Variants in GLIS3 observed in about 807,000 individuals in gnomAD.
The protein encoded by GLIS3 is GLIS family zinc finger 3.
In GLIS3, 53 loss-of-function variants were observed where a neutral mutation model predicts 78.6. That is an observed-to-expected ratio of 0.67 (90% CI 0.54 to 0.85). The LOEUF is 0.85. Ranked by LOEUF, GLIS3 falls within the 40% of genes least tolerant of loss-of-function variation. The pLI is 0.00. For synonymous variants in GLIS3, 684 were observed against 509.9 expected (o/e 1.34, Z -4.60); for missense variants, 1,703 against 1,231.1 (o/e 1.38, Z -5.74).
intron 7 of GLIS3, among the ~76,000 whole-genome samples, chr9:3,893,187 C>A (rs562330461): frequency 6.6e-6 from 1 of 152,212 alleles, no homozygotes; most frequent in South Asian, 2.1e-4. Context: ...AGCCTCGCTA[C>A]TTGCCTCTCC....
intron 2 of GLIS3, among the ~76,000 whole-genome samples, chr9:4,136,026 C>A (rs951464014): frequency 6.6e-6 from 1 of 152,120 alleles, no homozygotes; most frequent in Non-Finnish European, 1.5e-5. Flanking sequence ...TAAATGGCTA[C>A]GAACACCAAA....
chr9:3,977,375 C>T lies in GLIS3; in HGVS notation c.1711-40186G>A, dbSNP rs1006472486. Among the ~76,000 whole-genome samples the T allele has an allele frequency of 6.6e-6, 1 of 152,178 alleles. No individual in the cohort carries two copies. The highest frequency in any genetic ancestry group is 1.5e-5 in the Non-Finnish European group (1 of 68,032). On this transcript the variant is annotated intron_variant, in intron 4 of 10. Coordinates refer to ENST00000381971, the MANE Select transcript of GLIS3 (RefSeq NM_001042413.2). This position sits in a 1 kb window ranked among gnomAD's most constrained non-coding sequence, Gnocchi z 4.1. ...CTCATATCTGATGCTATAATTACAA[C>T]CCTAATGGACACATTTAATTTATTT... is the stretch of plus-strand genomic sequence containing the variant.
chr9:4,462,612 C>G, the GLIS3 span, among the ~76,000 whole-genome samples: 1 of 149,892 alleles, frequency 6.7e-6, no homozygotes, highest in East Asian at 2.0e-4. Context: ...CACACACACA[C>G]ACACACACAC....
At chr9:4,013,921 G>A (rs115243100) in intron 4 of GLIS3, among the ~76,000 whole-genome samples, 6 of 152,306 alleles carry the variant, frequency 3.9e-5, no homozygotes, top group African/African-American at 1.4e-4. Flanking sequence ...AGTTGGGCAG[G>A]TTGTATTTCA....
At chr9:4,121,498 C>G (rs1289773502) in intron 3 of GLIS3, among the ~76,000 whole-genome samples, 1 of 152,122 alleles carries the variant, frequency 6.6e-6, no homozygotes, top group Non-Finnish European at 1.5e-5. Flanking sequence ...TTATGGCACT[C>G]ACAAAGCATT....
intron 2 of GLIS3, among the ~76,000 whole-genome samples, chr9:4,262,270 C>A (rs757056891): frequency 6.6e-6 from 1 of 152,138 alleles, no homozygotes; most frequent in Non-Finnish European, 1.5e-5. Flanking sequence ...AGGTAAAAAT[C>A]CTCATTTGAG....
intron 4 of GLIS3, among the ~76,000 whole-genome samples, chr9:3,997,298 A>T (rs1189223681): frequency 1.3e-5 from 2 of 152,218 alleles, no homozygotes; most frequent in Non-Finnish European, 1.5e-5. Flanking sequence ...GTAAGCCGAG[A>T]TCGCTGCATT....
At chr9:3,976,252 G>A (rs936529015) in intron 4 of GLIS3, among the ~76,000 whole-genome samples, 1 of 151,996 alleles carries the variant, frequency 6.6e-6, no homozygotes, top group South Asian at 2.1e-4. Flanking sequence ...GTTAGAAGAT[G>A]AGAGGGGAGG....
intron 2 of GLIS3, among the ~76,000 whole-genome samples, chr9:4,171,453 T>C (rs1816366657): frequency 6.6e-6 from 1 of 152,208 alleles, no homozygotes; most frequent in South Asian, 2.1e-4. Flanking sequence ...CTTCCATTTT[T>C]AGTGTCGAAA....
At chr9:4,312,187 G>C (rs537823924) in intron 2 of GLIS3, among the ~76,000 whole-genome samples, 36 of 152,302 alleles carry the variant, frequency 2.4e-4, no homozygotes, top group African/African-American at 8.4e-4. Flanking sequence ...AACTTTACAG[G>C]CTGGGCATGG....
chr9:3,898,738 TCAG>T lies in GLIS3; in HGVS notation c.2078_2080del (p.Ala693del). 1 of 1,614,154 alleles carries T rather than the reference TCAG, an allele frequency of 6.2e-7. No individual in the cohort carries two copies. Among genetic ancestry groups the T allele is most frequent in the Middle Eastern group, 1.6e-4 (1 of 6,062 alleles). ...TCCAGGGGAGCGTCCCACGGTCCCTTCAGCAGCAGCATCTCTAGGGGAAGTGGC... is the reference window on the plus strand; with the variant it reads ...TCCAGGGGAGCGTCCCACGGTCCCTTCAGCAGCATCTCTAGGGGAAGTGGC... On this transcript the variant is annotated inframe_deletion, in exon 7 of 11. Transcript: ENST00000381971.
chr9:4,361,699 G>C, the GLIS3 span, among the ~76,000 whole-genome samples: 1 of 152,152 alleles, frequency 6.6e-6, no homozygotes, highest in Admixed American at 6.5e-5. Flanking sequence ...CTCTGACCTC[G>C]CAAATATAAA....
intron 7 of GLIS3, among the ~76,000 whole-genome samples, chr9:3,895,198 C>G (rs1822740440): frequency 6.6e-6 from 1 of 152,238 alleles, no homozygotes; most frequent in African/African-American, 2.4e-5. Context: ...TATACAAGCA[C>G]TAAGCCTTGA....
intron 4 of GLIS3, among the ~76,000 whole-genome samples, chr9:4,019,629 A>G (rs1822710860): frequency 6.6e-6 from 1 of 152,154 alleles, no homozygotes; most frequent in African/African-American, 2.4e-5. Flanking sequence ...TGCTACACAC[A>G]GATAAGTGCT....
chr9:4,391,889 C>G, the GLIS3 span, among the ~76,000 whole-genome samples: 1 of 152,188 alleles, frequency 6.6e-6, no homozygotes, highest in Admixed American at 6.5e-5. Context: ...GCCTAGCAAT[C>G]CCATTACTGG....
chr9:4,179,055 C>T (rs187535943), intron 2 of GLIS3, among the ~76,000 whole-genome samples: 1 of 152,258 alleles, frequency 6.6e-6, no homozygotes, highest in Admixed American at 6.5e-5. Flanking sequence ...CACAAAAAGT[C>T]ACACTTCAGC....
At chr9:4,193,857 T>C (rs564643940) in intron 2 of GLIS3, among the ~76,000 whole-genome samples, 123 of 152,288 alleles carry the variant, frequency 8.1e-4, no homozygotes, top group Middle Eastern at 3.4e-3. Context: ...AATAAGTCAC[T>C]TTTCATGTGC....
In GLIS3 at chr9:4,118,323, G is replaced by A. The variant is rs770839579; in HGVS notation, c.1155C>T (p.Gly385=). 2.5e-6 allele frequency: 4 copies of A among 1,573,348 alleles called. No homozygotes were observed. Among genetic ancestry groups the A allele is most frequent in the Admixed American group, 1.8e-5 (1 of 54,822 alleles). Residue 385 remains glycine (G), a synonymous_variant, in exon 4 of 11, where the codon GGC becomes GGT. Coordinates refer to ENST00000381971, the MANE Select transcript of GLIS3 (RefSeq NM_001042413.2). This position sits in a 1 kb window ranked among gnomAD's most constrained non-coding sequence, Gnocchi z 4.7. ...APGGLALPAY[G]EDGALEHERM... is the part of the protein sequence containing the mutation. ...GCTCGTGCTCCAGGGCCCCGTCCTC[G>A]CCGTAGGCCGGCAGCGCCAGGCCTC... is the stretch of plus-strand genomic sequence containing the variant.
rs181760663 is a variant in GLIS3, at chr9:4,328,387, T to G, written n.265-17859A>C. On this transcript the variant is annotated intron_variant and non_coding_transcript_variant, in intron 2 of 4. Coordinates refer to the GLIS3 transcript ENST00000471664. The stretch of plus-strand genomic sequence containing the variant: ...AACCAGCAGCAGATAGAGGTGTTCA[T>G]GGCTCAGAGAGTCAGGAAAACAGGG... Among the ~76,000 whole-genome samples the G allele has an allele frequency of 7.9e-5, 12 of 152,306 alleles. 2 individuals carry two copies. The highest frequency in any genetic ancestry group is 2.6e-4 in the African/African-American group (11 of 41,572).
Sources: allele counts gnomAD v4.1 joint callset (sites outside exome capture counted in the v4.1 genomes callset), GRCh38; gene constraint gnomAD v4.1.1; non-coding constraint Gnocchi (gnomAD v3.1); transcripts MANE v1.5; gene names NCBI Gene and HGNC (gene_info 2026-07-23, HGNC 2026-07-21).